MUC13: variants seen among roughly 807,000 people sequenced by gnomAD.
The protein encoded by MUC13 is mucin-13.
Under a neutral mutation model 48.3 loss-of-function variants are expected in MUC13, and 32 were observed. The observed-to-expected ratio is 0.66, with a 90% CI of 0.50 to 0.89. The LOEUF (loss-of-function observed/expected upper bound fraction) is 0.89, where lower values mean the gene tolerates loss of function less well. Ranked by LOEUF, MUC13 falls within the 40% of genes least tolerant of loss-of-function variation. MUC13 has a pLI of 0.00. For synonymous variants in MUC13, 199 were observed against 224.9 expected, an observed-to-expected ratio of 0.88 and a Z score of 1.03; for missense variants, 571 against 622.8, an observed-to-expected ratio of 0.92 and a Z score of 0.88.
intron 3 of MUC13, among the ~76,000 whole-genome samples, chr3:124,923,101 A>AG (rs1935630088): frequency 2.4e-5 from 1 of 40,824 alleles, no homozygotes; most frequent in African/African-American, 7.3e-5. Context: ...TTCATAAAAC[A>AG]GAAAAAAAAA....
At chr3:124,929,502 A>G (rs1386166211) in intron 1 of MUC13, among the ~76,000 whole-genome samples, 1 of 152,226 alleles carries the variant, frequency 6.6e-6, no homozygotes, top group Non-Finnish European at 1.5e-5. Context: ...CGATGGGTCT[A>G]TGAGCCCCTT....
intron 9 of MUC13, among the ~76,000 whole-genome samples, chr3:124,911,032 T>C (rs1477973853): frequency 6.6e-6 from 1 of 152,204 alleles, no homozygotes; most frequent in East Asian, 1.9e-4. Flanking sequence ...AGACACAATG[T>C]AACAGACACA....
chr3:124,930,953 G>A (rs1011783470), intron 1 of MUC13, among the ~76,000 whole-genome samples: 3 of 152,142 alleles, frequency 2.0e-5, no homozygotes, highest in Non-Finnish European at 4.4e-5. Context: ...TTCAGTAAAT[G>A]CTTGTGCGGG....
chr3:124,923,444 C>T, intron 3 of MUC13, 83 bp downstream of exon 3: 1 of 1,449,354 alleles, frequency 6.9e-7, no homozygotes, highest in Non-Finnish European at 9.4e-7. Context: ...TTTGGAATCT[C>T]CTTTTGCCAT....
rs770625539 is a variant in MUC13, at chr3:124,922,287, C to G, written c.654G>C (p.Gly218=). Residue 218 remains glycine, a synonymous_variant, in exon 4 of 12, where the codon GGG becomes GGC. Transcript: ENST00000616727. ...STCKKGKVFP[G]KISVTVSETF... is the part of the protein sequence containing the mutation. ...TTTCTGATACTGTCACTGAAATCTT[C>G]CCAGGGAATACCTTTCCTGAAAGTT... 3 of 1,613,862 alleles carry G rather than the reference C, an allele frequency of 1.9e-6. No individual in the cohort carries two copies. In the South Asian group the frequency reaches 3.3e-5, roughly 18 times the overall value.
At chr3:124,910,316 T>C (rs982236696) in intron 10 of MUC13, 99 bp downstream of exon 10, 2 of 1,488,546 alleles carry the variant, frequency 1.3e-6, no homozygotes, top group Non-Finnish European at 1.8e-6. Flanking sequence ...GGAGGATGGC[T>C]TGAGTTCAGG....
At chr3:124,919,300 G>GTGATATCACA (rs1381138071) in intron 5 of MUC13, among the ~76,000 whole-genome samples, 1 of 141,524 alleles carries the variant, frequency 7.1e-6, no homozygotes, top group Admixed American at 7.3e-5. Context: ...TCACACCAAT[G>GTGATATCACA]CACTCCAGCC....
intron 3 of MUC13, 40 bp downstream of exon 3, chr3:124,923,487 A>G: frequency 6.3e-7 from 1 of 1,591,512 alleles, no homozygotes; most frequent in Non-Finnish European, 8.5e-7. Flanking sequence ...TTTTGGTGTG[A>G]GATACAGAGC....
chr3:124,923,734 C>T (rs936182796), intron 2 of MUC13, 85 bp from the exon 3 acceptor site: 3 of 1,353,188 alleles, frequency 2.2e-6, no homozygotes, highest in East Asian at 2.4e-5. Context: ...CTTCATGCCT[C>T]CCCCCTGGGC....
chr3:124,924,750 T>A (rs1241937800), intron 2 of MUC13, among the ~76,000 whole-genome samples: 2 of 152,148 alleles, frequency 1.3e-5, no homozygotes, highest in East Asian at 1.9e-4. Context: ...TATTTTTTAT[T>A]GTACATGATT....
At chr3:124,927,153 A>C (rs1359027030) in intron 2 of MUC13, among the ~76,000 whole-genome samples, 1 of 152,192 alleles carries the variant, frequency 6.6e-6, no homozygotes, top group Admixed American at 6.5e-5. Flanking sequence ...GAGCTAGACC[A>C]GTGGTGCTGG....
intron 3 of MUC13, among the ~76,000 whole-genome samples, 183 bp downstream of exon 3, chr3:124,923,344 A>T (rs1241518254): frequency 6.6e-6 from 1 of 152,062 alleles, no homozygotes; most frequent in Non-Finnish European, 1.5e-5. Flanking sequence ...TTGATAGATC[A>T]CCTTGTTCTG....
chr3:124,910,407 T>C lies in MUC13; in HGVS notation c.1337+8A>G. 6 of 1,613,474 alleles carry C rather than the reference T, an allele frequency of 3.7e-6. No homozygotes were observed. The highest frequency in any genetic ancestry group is 5.1e-6 in the Non-Finnish European group (6 of 1,179,634). On this transcript the variant is annotated splice_region_variant and intron_variant, in intron 10 of 11. Transcript: ENST00000616727. ...AAAAAATTTAAAAAGGACACTTTCA[T>C]CCCATACCTTGCTGTGACAATCAAT... is the stretch of plus-strand genomic sequence containing the variant.
intron 10 of MUC13, among the ~76,000 whole-genome samples, chr3:124,909,760 T>A (rs1229492557): frequency 1.3e-5 from 2 of 152,148 alleles, no homozygotes; most frequent in Non-Finnish European, 2.9e-5. Flanking sequence ...AGCAGAGTCC[T>A]GGACAGGGAA....
intron 5 of MUC13, 103 bp from the exon 6 acceptor site, chr3:124,916,583 G>A (rs1935515436): frequency 5.6e-6 from 7 of 1,257,052 alleles, no homozygotes; most frequent in Admixed American, 2.1e-5. Context: ...GTCCTGACCC[G>A]CTGTCCTGTC....
intron 2 of MUC13, among the ~76,000 whole-genome samples, 157 bp downstream of exon 2, chr3:124,927,375 C>T (rs144934599): frequency 3.3e-5 from 5 of 152,252 alleles, no homozygotes; most frequent in Admixed American, 2.6e-4. Context: ...TCTGCTGTCA[C>T]TACATTGTGA....
rs553963681 is a variant in MUC13, at chr3:124,932,295, G to A, written c.52+2366C>T. ...GAAAATCAGATCCAGGCTGGGCGTGGTGGCTCACGCCTGTAATCCCAGCAC... is the reference window on the plus strand; with the variant it reads ...GAAAATCAGATCCAGGCTGGGCGTGATGGCTCACGCCTGTAATCCCAGCAC... On this transcript the variant is annotated intron_variant, in intron 1 of 11. Transcript: ENST00000616727. Among the ~76,000 whole-genome samples the A allele has an allele frequency of 7.4e-4, 112 of 152,194 alleles. 1 individual carries two copies. Among genetic ancestry groups the A allele is most frequent in the African/African-American group, 2.7e-3 (112 of 41,528 alleles).
Position 124,910,405 on chromosome 3 carries a change from C to T in MUC13, c.1337+10G>A. Reference sequence around the variant, plus strand: ...AAAAAAAATTTAAAAAGGACACTTTCATCCCATACCTTGCTGTGACAATCA... The same window carrying T: ...AAAAAAAATTTAAAAAGGACACTTTTATCCCATACCTTGCTGTGACAATCA... On this transcript the variant is annotated intron_variant, in intron 10 of 11. Transcript: ENST00000616727. The T allele has an allele frequency of 1.9e-6, 3 of 1,612,514 alleles. No homozygotes were observed. The highest frequency in any genetic ancestry group is 2.5e-6 in the Non-Finnish European group (3 of 1,179,400).
At chr3:124,917,681 T>C (rs1935531811) in intron 5 of MUC13, among the ~76,000 whole-genome samples, 1 of 142,862 alleles carries the variant, frequency 7.0e-6, no homozygotes, top group African/African-American at 2.6e-5. Flanking sequence ...CCAAAAAATG[T>C]AATGGGCTTC....
Sources: allele counts gnomAD v4.1 joint callset (sites outside exome capture counted in the v4.1 genomes callset), GRCh38; gene constraint gnomAD v4.1.1; transcripts MANE v1.5; gene names NCBI Gene and HGNC (gene_info 2026-07-23, HGNC 2026-07-21).